The following SLC35F3 variants were observed in gnomAD, a reference collection of about 807,000 sequenced individuals.
SLC35F3 encodes the protein solute carrier family 35 member F3, also known as putative thiamine transporter SLC35F3.
A neutral mutation model predicts 49.9 loss-of-function variants in SLC35F3; 25 were observed. The ratio of observed to expected loss-of-function variants is 0.50; its 90% CI spans 0.37 to 0.70. The LOEUF is 0.70. Among genes scored for constraint, SLC35F3 ranks in the 30% least tolerant of loss-of-function variants. The probability of loss-of-function intolerance (pLI) is 0.00; values close to 1 mark genes in which losing one functional copy is unlikely to be tolerated. For synonymous variants in SLC35F3, 275 were observed against 265.4 expected (o/e 1.04, Z -0.35); for missense variants, 525 against 639.8 (o/e 0.82, Z 1.94).
At chr1:234,120,189 A>G (rs1474795389) in intron 2 of SLC35F3, among the ~76,000 whole-genome samples, 1 of 152,254 alleles carries the variant, frequency 6.6e-6, no homozygotes, top group Non-Finnish European at 1.5e-5. Context: ...GAGGCATCTC[A>G]AATGGCATAA....
intron 3 of SLC35F3, among the ~76,000 whole-genome samples, chr1:234,234,052 C>T (rs575670086): frequency 1.3e-5 from 2 of 152,284 alleles, no homozygotes; most frequent in South Asian, 4.2e-4. Flanking sequence ...ACAATTCTGT[C>T]ACAACTCATA....
intron 2 of SLC35F3, among the ~76,000 whole-genome samples, chr1:234,061,979 G>A (rs910193375): frequency 6.6e-5 from 10 of 152,018 alleles, no homozygotes; most frequent in Non-Finnish European, 1.0e-4. Flanking sequence ...GTCAGTTTCT[G>A]TTGTCTATTT....
chr1:234,261,670 C>T (rs1341802186), intron 3 of SLC35F3: 1 of 152,098 alleles, frequency 6.6e-6, no homozygotes, highest in East Asian at 1.9e-4. Flanking sequence ...GAATGCCTAA[C>T]CTCCTGGGGA....
chr1:234,145,631 T>G (rs545351890), intron 2 of SLC35F3, among the ~76,000 whole-genome samples: 1 of 152,296 alleles, frequency 6.6e-6, no homozygotes, highest in South Asian at 2.1e-4. Flanking sequence ...TTTCTTGTCA[T>G]TATTCCCTAA....
chr1:234,130,642 C>CA (rs35859323), intron 2 of SLC35F3, among the ~76,000 whole-genome samples: 25,528 of 124,790 alleles, frequency 0.2, 3,098 homozygotes, highest in Non-Finnish European at 0.27. Flanking sequence ...GAGACTCTGT[C>CA]AAAAAAAAAA....
intron 2 of SLC35F3, among the ~76,000 whole-genome samples, chr1:234,106,073 A>G (rs12136535): frequency 0.22 from 32,718 of 152,172 alleles, 4,020 homozygotes; most frequent in Non-Finnish European, 0.28. Flanking sequence ...AGCCACTGAA[A>G]TTTATGACTA....
intron 2 of SLC35F3, among the ~76,000 whole-genome samples, chr1:233,978,102 A>G (rs982475985): frequency 6.6e-6 from 1 of 152,166 alleles, no homozygotes. Context: ...ACTCTGGGGA[A>G]GTTGATTGAG....
Position 234,214,132 on chromosome 1 carries a change from A to G in SLC35F3, c.284-17285A>G. The G allele has an allele frequency of 9.6e-7, 1 of 1,038,096 alleles. No homozygotes were observed. The highest frequency in any genetic ancestry group is 1.2e-6 in the Non-Finnish European group (1 of 863,078). 64.3% of individuals were successfully genotyped at this position (1,038,096 alleles called of 1,614,324 possible). A position where few individuals can be genotyped will look rare whatever the true frequency, so the allele number is the denominator to read the frequency against. ...CCTGGCTGGGAGGAAGACAGGGATGAGGGCTGCGGGGCTGGGCGTCCCGGG... is the reference window on the plus strand; with the variant it reads ...CCTGGCTGGGAGGAAGACAGGGATGGGGGCTGCGGGGCTGGGCGTCCCGGG... On this transcript the variant is annotated intron_variant, in intron 2 of 7. Transcript: ENST00000366618. The surrounding 1 kb of genome is among the most constrained non-coding windows in gnomAD (Gnocchi z 8.0).
chr1:234,272,040 C>T (rs910056473), intron 3 of SLC35F3, among the ~76,000 whole-genome samples: 10 of 152,144 alleles, frequency 6.6e-5, no homozygotes, highest in African/African-American at 2.4e-4. Flanking sequence ...GCAGGAGGAT[C>T]ATTTGAGCTC....
chr1:234,258,470 A>T (rs1667854431), intron 3 of SLC35F3, among the ~76,000 whole-genome samples: 1 of 152,256 alleles, frequency 6.6e-6, no homozygotes, highest in Non-Finnish European at 1.5e-5. Flanking sequence ...AGCAGTAAAC[A>T]ATGACTAGTT....
intron 2 of SLC35F3, among the ~76,000 whole-genome samples, chr1:233,943,779 T>C (rs1398530095): frequency 6.6e-6 from 1 of 152,274 alleles, no homozygotes; most frequent in Admixed American, 6.5e-5. Flanking sequence ...AGTTATTGGA[T>C]AACACATCCA....
chr1:234,200,528 C>A (rs1287558154), intron 2 of SLC35F3, among the ~76,000 whole-genome samples: 1 of 152,144 alleles, frequency 6.6e-6, no homozygotes, highest in East Asian at 1.9e-4. Flanking sequence ...CCTAATTCAC[C>A]CATCATCTCT....
At chr1:234,056,015 A>G (rs1664452570) in intron 2 of SLC35F3, among the ~76,000 whole-genome samples, 1 of 152,078 alleles carries the variant, frequency 6.6e-6, no homozygotes, top group South Asian at 2.1e-4. Context: ...GTAACTTTGT[A>G]GCTTGTTTTC....
rs562737696 is a variant in SLC35F3, at chr1:234,217,300, T to C, written c.284-14117T>C. Reference sequence around the variant, plus strand: ...AGATGGGCAAGATGACTTCATTTACTCAACAAATACTTCATCCAACCCTAC... The same window carrying C: ...AGATGGGCAAGATGACTTCATTTACCCAACAAATACTTCATCCAACCCTAC... On this transcript the variant is annotated intron_variant, in intron 2 of 7. Transcript: ENST00000366618. 2.0e-5 allele frequency among the ~76,000 whole-genome samples: 3 copies of C among 152,304 alleles called. No homozygotes were observed. The East Asian group carries it at 5.8e-4, about 29-fold the overall frequency.
At chr1:233,979,009 C>A (rs1319458394) in intron 2 of SLC35F3, among the ~76,000 whole-genome samples, 2 of 150,928 alleles carry the variant, frequency 1.3e-5, no homozygotes, top group Non-Finnish European at 2.9e-5. Context: ...GCACTCCAGC[C>A]TGGACGACAG....
intron 2 of SLC35F3, among the ~76,000 whole-genome samples, chr1:233,963,254 G>A (rs1341584454): frequency 6.6e-6 from 1 of 151,784 alleles, no homozygotes; most frequent in Non-Finnish European, 1.5e-5. Flanking sequence ...TCCCCATTGT[G>A]GAGAGGCTTT....
intron 2 of SLC35F3, among the ~76,000 whole-genome samples, chr1:234,052,624 G>A (rs554296922): frequency 3.9e-5 from 6 of 151,974 alleles, no homozygotes; most frequent in South Asian, 4.2e-4. Context: ...AGGTTTTTTT[G>A]TGTCTCTATT....
intron 2 of SLC35F3, among the ~76,000 whole-genome samples, chr1:234,053,210 G>A (rs1262370535): frequency 2.6e-5 from 4 of 152,094 alleles, no homozygotes; most frequent in East Asian, 3.9e-4. Flanking sequence ...TTTCTGTCTC[G>A]TTGATCTGTC....
intron 2 of SLC35F3, among the ~76,000 whole-genome samples, chr1:234,230,168 C>T (rs563441421): frequency 6.6e-6 from 1 of 152,320 alleles, no homozygotes; most frequent in Admixed American, 6.5e-5. Flanking sequence ...CTTTGACTAA[C>T]CATGTAATGC....
Sources: gnomAD v4.1 joint callset for allele counts (sites outside exome capture counted in the v4.1 genomes callset) on GRCh38, gnomAD v4.1.1 for gene constraint, Gnocchi (gnomAD v3.1) non-coding constraint, MANE v1.5 for transcripts, NCBI Gene and HGNC (gene_info 2026-07-23, HGNC 2026-07-21) for gene names.